GPC5: variants seen among roughly 807,000 people sequenced by gnomAD.
GPC5 encodes glypican 5.
Under a neutral mutation model 53.9 loss-of-function variants are expected in GPC5, and 47 were observed. The ratio of observed to expected loss-of-function variants is 0.87; its 90% CI spans 0.69 to 1.11. The LOEUF (loss-of-function observed/expected upper bound fraction) is 1.11, where lower values mean the gene tolerates loss of function less well. Ranked by LOEUF, GPC5 falls within the 50% of genes most tolerant of loss-of-function variation. The pLI is 0.00. For synonymous variants in GPC5, 286 were observed against 263.3 expected (o/e 1.09, Z -0.84); for missense variants, 748 against 713.1 (o/e 1.05, Z -0.56).
chr13:91,731,188 G>C (rs1035964920), intron 4 of GPC5, among the ~76,000 whole-genome samples: 1 of 152,194 alleles, frequency 6.6e-6, no homozygotes, highest in Non-Finnish European at 1.5e-5. Flanking sequence ...TGCATAGCAG[G>C]TGTCAGGACA....
intron 6 of GPC5, among the ~76,000 whole-genome samples, chr13:92,041,108 T>C (rs2040938575): frequency 6.6e-6 from 1 of 152,190 alleles, no homozygotes; most frequent in Non-Finnish European, 1.5e-5. Flanking sequence ...CTTCTCGGCC[T>C]CCCAAAGTGC....
intron 7 of GPC5, among the ~76,000 whole-genome samples, chr13:92,607,366 C>T (rs769292460): frequency 6.6e-6 from 1 of 152,070 alleles, no homozygotes; most frequent in African/African-American, 2.4e-5. Flanking sequence ...ATTCTGCTTA[C>T]GATGGCTGGC....
chr13:92,285,437 A>G (rs768489610), intron 7 of GPC5, among the ~76,000 whole-genome samples: 7 of 152,218 alleles, frequency 4.6e-5, no homozygotes, highest in Non-Finnish European at 1.0e-4. Context: ...TGCCAACTCA[A>G]TCCTAAGCCA....
chr13:91,762,891 T>C (rs2037444205), intron 5 of GPC5, among the ~76,000 whole-genome samples: 1 of 152,150 alleles, frequency 6.6e-6, no homozygotes, highest in South Asian at 2.1e-4. Context: ...AATCCCCTCA[T>C]TTGTGTTTCA....
intron 4 of GPC5, among the ~76,000 whole-genome samples, chr13:91,736,971 A>G (rs1969917): frequency 6.7e-6 from 1 of 149,386 alleles, no homozygotes; most frequent in Non-Finnish European, 1.5e-5. Context: ...TATTATTATT[A>G]TTTTTGATGG....
intron 7 of GPC5, among the ~76,000 whole-genome samples, chr13:92,394,935 A>T (rs1327190542): frequency 6.6e-6 from 1 of 152,182 alleles, no homozygotes; most frequent in Non-Finnish European, 1.5e-5. Flanking sequence ...TATAATGACT[A>T]TGTCGTTTAT....
At chr13:92,144,052 C>T (rs1302570229) in intron 6 of GPC5, among the ~76,000 whole-genome samples, 4 of 152,070 alleles carry the variant, frequency 2.6e-5, no homozygotes, top group Non-Finnish European at 5.9e-5. Flanking sequence ...CTTAATCAGG[C>T]TTAGTTTTAA....
At chr13:92,277,744 C>G (rs143143394) in intron 7 of GPC5, among the ~76,000 whole-genome samples, 1 of 151,978 alleles carries the variant, frequency 6.6e-6, no homozygotes, top group African/African-American at 2.4e-5. Context: ...GCACTGCAGA[C>G]AACTTGTTTC....
At chr13:92,733,633 A>C (rs1467045700) in intron 7 of GPC5, among the ~76,000 whole-genome samples, 1 of 151,820 alleles carries the variant, frequency 6.6e-6, no homozygotes, top group Non-Finnish European at 1.5e-5. Flanking sequence ...TTTAAATGTA[A>C]GGATTGTTTA....
At chr13:92,585,268 G>A (rs1471428907) in intron 7 of GPC5, among the ~76,000 whole-genome samples, 1 of 152,154 alleles carries the variant, frequency 6.6e-6, no homozygotes, top group Non-Finnish European at 1.5e-5. Context: ...AGCCACAGGG[G>A]TGGAGGTGCC....
chr13:92,468,426 C>T (rs1878785646), intron 7 of GPC5, among the ~76,000 whole-genome samples: 1 of 152,068 alleles, frequency 6.6e-6, no homozygotes, highest in Non-Finnish European at 1.5e-5. Flanking sequence ...GAAACAGTAA[C>T]TTGTCTTTTC....
intron 5 of GPC5, among the ~76,000 whole-genome samples, chr13:91,882,669 G>GT (rs1469974080): frequency 4.6e-4 from 9 of 19,716 alleles, no homozygotes; most frequent in East Asian, 1.3e-3. Context: ...TTGTTTTTTG[G>GT]GTTTTTTTTT....
chr13:91,974,036 C>T (rs547717330), intron 6 of GPC5, among the ~76,000 whole-genome samples: 36 of 152,294 alleles, frequency 2.4e-4, no homozygotes, highest in Non-Finnish European at 4.0e-4. Context: ...TTTAAGTCTG[C>T]AGAGGTTACT....
At chr13:92,710,112 T>G (rs2139267767) in intron 7 of GPC5, among the ~76,000 whole-genome samples, 1 of 152,298 alleles carries the variant, frequency 6.6e-6, no homozygotes, top group South Asian at 2.1e-4. Flanking sequence ...CCAGAATAAC[T>G]AACTCCAAAC....
At chr13:92,719,589 T>G (rs572519046) in intron 7 of GPC5, among the ~76,000 whole-genome samples, 40 of 152,284 alleles carry the variant, frequency 2.6e-4, no homozygotes, top group Non-Finnish European at 5.1e-4. Context: ...AAAAATAGAT[T>G]TATTTTCCAG....
chr13:92,375,424 C>A (rs1219034314), intron 7 of GPC5, among the ~76,000 whole-genome samples: 1 of 152,026 alleles, frequency 6.6e-6, no homozygotes, highest in Non-Finnish European at 1.5e-5. Flanking sequence ...AAGGCTGTAG[C>A]CTTTCAGTAA....
In GPC5 at chr13:92,120,807, A is replaced by G. The variant is rs565776197; in HGVS notation, c.1402-24023A>G. Among the ~76,000 whole-genome samples the G allele has an allele frequency of 7.7e-4, 117 of 152,314 alleles. 1 individual carries two copies. The highest frequency in any genetic ancestry group is 2.7e-3 in the African/African-American group (111 of 41,568). On this transcript the variant is annotated intron_variant, in intron 6 of 7. Transcript: ENST00000377067. The stretch of plus-strand genomic sequence containing the variant: ...TAGTTAATCTGTAGTCCTTTCCCTT[A>G]TGGTGTCCAGCTCTATGCAGCTCTG...
At chr13:92,815,310 G>C (rs1008380791) in intron 7 of GPC5, among the ~76,000 whole-genome samples, 1 of 151,996 alleles carries the variant, frequency 6.6e-6, no homozygotes. Context: ...GATAACCAAT[G>C]AAGTTCCCAC....
intron 5 of GPC5, among the ~76,000 whole-genome samples, chr13:91,872,381 A>G (rs971875496): frequency 6.6e-6 from 1 of 152,218 alleles, no homozygotes; most frequent in African/African-American, 2.4e-5. Context: ...GGAAACATTT[A>G]GGAAGAAAGA....
Sources: allele counts gnomAD v4.1 joint callset (sites outside exome capture counted in the v4.1 genomes callset), GRCh38; gene constraint gnomAD v4.1.1; transcripts MANE v1.5; gene names NCBI Gene and HGNC (gene_info 2026-07-23, HGNC 2026-07-21).